The following DPY19L1 variants were observed in gnomAD, a reference collection of about 807,000 sequenced individuals.
DPY19L1 encodes dpy-19 like C-mannosyltransferase 1.
DPY19L1 carries 35 observed loss-of-function variants against 96.9 expected under a neutral mutation model. The ratio of observed to expected loss-of-function variants is 0.36; its 90% CI spans 0.28 to 0.48. The LOEUF is 0.48. Ranked by LOEUF, DPY19L1 falls within the 20% of genes least tolerant of loss-of-function variation. DPY19L1 has a pLI of 0.99. For synonymous variants in DPY19L1, 205 were observed against 252.6 expected, an observed-to-expected ratio of 0.81 and a Z score of 1.79; for missense variants, 521 against 777.9, an observed-to-expected ratio of 0.67 and a Z score of 3.93.
At position 34,986,641 on chromosome 7, in the gene DPY19L1, T is replaced by TA. The variant is rs576288819; in HGVS notation, c.822+3242dup. ...CCAAATCTTATATAAATGGCATAAC[T>TA]ATTTCAATAATTAGGAACATGTATG... On this transcript the variant is annotated intron_variant, in intron 7 of 21. Coordinates refer to ENST00000638088, the MANE Select transcript of DPY19L1 (RefSeq NM_001366673.1). 2.0e-4 allele frequency among the ~76,000 whole-genome samples: 31 copies of TA among 152,140 alleles called. No homozygotes were observed. In the South Asian group the frequency reaches 6.2e-3, roughly 31 times the overall value.
chr7:34,956,539 C>T (rs1410487410), intron 11 of DPY19L1, among the ~76,000 whole-genome samples: 1 of 150,448 alleles, frequency 6.6e-6, no homozygotes, highest in Admixed American at 6.6e-5. Flanking sequence ...TGGAGTCTCG[C>T]TCTGTTGCCC....
chr7:34,968,884 T>C (rs537466263), intron 9 of DPY19L1, among the ~76,000 whole-genome samples: 3 of 148,814 alleles, frequency 2.0e-5, no homozygotes, highest in Admixed American at 6.8e-5. Context: ...ATTTACTCCC[T>C]CTCTCAACAA....
chr7:34,977,923 A>G (rs1373354451), intron 7 of DPY19L1, among the ~76,000 whole-genome samples: 3 of 152,154 alleles, frequency 2.0e-5, no homozygotes, highest in South Asian at 2.1e-4. Context: ...TCTATCTAGT[A>G]TATAATTTTT....
At chr7:34,995,025 A>G (rs1438771055) in intron 6 of DPY19L1, among the ~76,000 whole-genome samples, 1 of 152,124 alleles carries the variant, frequency 6.6e-6, no homozygotes, top group Admixed American at 6.6e-5. Context: ...TTACTTAACT[A>G]ACAAAAGAGG....
chr7:35,037,136 GC>G lies in DPY19L1; in HGVS notation c.258del (p.Arg87AlafsTer13), dbSNP rs1478093977. Reference protein sequence around the residue: ...AARLRWALGLRRAGRGRTWTT... With the variant: ...AARLRWALGLXRAGRGRTWTT... Reference sequence around the variant, plus strand: ...GTCCAGGTCCGGCCGCGCCCCGCGCGCCGCAGGCCCAGCGCCCAGCGCAGCC... The same window carrying G: ...GTCCAGGTCCGGCCGCGCCCCGCGCGCGCAGGCCCAGCGCCCAGCGCAGCC... On this transcript the variant is annotated frameshift_variant, in exon 1 of 22. Transcript: ENST00000638088. LOFTEE classifies it high-confidence loss of function. 1 of 199,012 alleles carries G rather than the reference GC, an allele frequency of 5.0e-6. No individual in the cohort carries two copies. Among genetic ancestry groups the G allele is most frequent in the Non-Finnish European group, 1.0e-5 (1 of 98,982 alleles). 12.3% of individuals were successfully genotyped at this position (199,012 alleles called of 1,614,324 possible). A position where few individuals can be genotyped will look rare whatever the true frequency, so the allele number is the denominator to read the frequency against.
intron 7 of DPY19L1, among the ~76,000 whole-genome samples, chr7:34,975,903 C>T (rs759025140): frequency 2.6e-5 from 4 of 152,152 alleles, no homozygotes; most frequent in Non-Finnish European, 4.4e-5. Context: ...AGACCTACTG[C>T]TCAGAAAAAA....
chr7:35,032,133 G>C (rs1459333306), intron 1 of DPY19L1, among the ~76,000 whole-genome samples: 1 of 152,156 alleles, frequency 6.6e-6, no homozygotes, highest in Non-Finnish European at 1.5e-5. Flanking sequence ...GGGGAAGGAA[G>C]AAACAAGAAA....
chr7:35,036,253 C>T (rs1388172422), intron 1 of DPY19L1, among the ~76,000 whole-genome samples: 3 of 152,108 alleles, frequency 2.0e-5, no homozygotes, highest in Non-Finnish European at 4.4e-5. Flanking sequence ...GCGAAAAGCC[C>T]ACTGAGGCAT....
At chr7:34,935,261 G>A (rs1435843441) in intron 21 of DPY19L1, among the ~76,000 whole-genome samples, 3 of 151,996 alleles carry the variant, frequency 2.0e-5, no homozygotes, top group African/African-American at 7.3e-5. Context: ...AGCTGTCTTG[G>A]GGAGCTCTGT....
chr7:34,998,540 T>C (rs564847126), intron 6 of DPY19L1, among the ~76,000 whole-genome samples: 2 of 152,278 alleles, frequency 1.3e-5, no homozygotes, highest in South Asian at 4.2e-4. Context: ...GAGTAGTCAA[T>C]GGCACTGGGT....
intron 7 of DPY19L1, among the ~76,000 whole-genome samples, chr7:34,986,192 T>C (rs145013785): frequency 1.3e-3 from 199 of 152,078 alleles, no homozygotes; most frequent in Non-Finnish European, 2.6e-3. Flanking sequence ...TCCACAGATA[T>C]AAAGTTTCAG....
At chr7:34,989,388 G>T (rs1785115776) in intron 7 of DPY19L1, among the ~76,000 whole-genome samples, 2 of 152,138 alleles carry the variant, frequency 1.3e-5, no homozygotes, top group Non-Finnish European at 2.9e-5. Flanking sequence ...ACCAAGGCAG[G>T]AGGATTGCTT....
chr7:34,971,238 A>G (rs1413522159), intron 8 of DPY19L1, among the ~76,000 whole-genome samples: 5 of 152,222 alleles, frequency 3.3e-5, no homozygotes, highest in Non-Finnish European at 5.9e-5. Flanking sequence ...AAGATGGCCA[A>G]TAGAGAGAAG....
chr7:35,012,658 TG>T (rs1785740215), intron 4 of DPY19L1, among the ~76,000 whole-genome samples: 2 of 151,966 alleles, frequency 1.3e-5, no homozygotes, highest in South Asian at 4.1e-4. Context: ...AAAAAAATTA[TG>T]ATTATAAAAA....
chr7:34,948,975 C>T (rs1784211690), intron 14 of DPY19L1, among the ~76,000 whole-genome samples: 1 of 152,178 alleles, frequency 6.6e-6, no homozygotes. Flanking sequence ...ACTGGGCTAA[C>T]ACAGTGGGAT....
intron 14 of DPY19L1, among the ~76,000 whole-genome samples, chr7:34,948,372 TATG>T (rs1181644998): frequency 6.6e-6 from 1 of 152,178 alleles, no homozygotes; most frequent in Non-Finnish European, 1.5e-5. Context: ...TCCATGTCAG[TATG>T]ATATCATATT....
chr7:34,939,202 C>G (rs182179210), intron 20 of DPY19L1, 74 bp downstream of exon 20: 44 of 1,312,858 alleles, frequency 3.4e-5, no homozygotes, highest in East Asian at 2.9e-4. Flanking sequence ...TTCCTTATTA[C>G]TTTGCTGGTG....
chr7:34,948,810 T>A (rs929191022), intron 14 of DPY19L1, among the ~76,000 whole-genome samples: 1 of 152,228 alleles, frequency 6.6e-6, no homozygotes, highest in African/African-American at 2.4e-5. Flanking sequence ...TGTCAGCCAC[T>A]GTGTGTCAAA....
intron 7 of DPY19L1, among the ~76,000 whole-genome samples, chr7:34,974,553 G>A (rs899279739): frequency 1.1e-4 from 17 of 152,172 alleles, no homozygotes; most frequent in Non-Finnish European, 1.3e-4. Flanking sequence ...ATCTATTTAT[G>A]AATGAACTAC....
Sources: gnomAD v4.1 joint callset for allele counts (sites outside exome capture counted in the v4.1 genomes callset) on GRCh38, gnomAD v4.1.1 for gene constraint, MANE v1.5 for transcripts, NCBI Gene and HGNC (gene_info 2026-07-23, HGNC 2026-07-21) for gene names.